ROBO2: variants seen among roughly 807,000 people sequenced by gnomAD.
ROBO2 encodes roundabout homolog 2.
In ROBO2, 53 loss-of-function variants were observed where a neutral mutation model predicts 160.8. That is an observed-to-expected ratio of 0.33 (90% confidence interval 0.26 to 0.41). The LOEUF (loss-of-function observed/expected upper bound fraction) is 0.41, where lower values mean the gene tolerates loss of function less well. Among genes scored for constraint, ROBO2 ranks in the 10% least tolerant of loss-of-function variants. The pLI is 1.00. For synonymous variants in ROBO2, 664 were observed against 611.7 expected (o/e 1.09, Z -1.26); for missense variants, 1,577 against 1,722.4 (o/e 0.92, Z 1.49).
At chr3:76,891,938 G>T (rs1377656264) in intron 2 of ROBO2, among the ~76,000 whole-genome samples, 4 of 152,148 alleles carry the variant, frequency 2.6e-5, no homozygotes, top group African/African-American at 4.8e-5. Flanking sequence ...GGGTCTGGGG[G>T]TCAGGAGAGG....
At chr3:76,719,214 T>C (rs1022511068) in intron 2 of ROBO2, among the ~76,000 whole-genome samples, 2 of 152,320 alleles carry the variant, frequency 1.3e-5, no homozygotes, top group African/African-American at 2.4e-5. Context: ...TAATAGAAAA[T>C]ACTAATTTGC....
intron 2 of ROBO2, among the ~76,000 whole-genome samples, chr3:76,433,095 A>T (rs1248376068): frequency 1.3e-5 from 2 of 152,184 alleles, no homozygotes; most frequent in African/African-American, 2.4e-5. Flanking sequence ...AAATAGCTGC[A>T]ATCTGCTAGT....
At chr3:77,143,136 G>T (rs1457593325) in intron 2 of ROBO2, among the ~76,000 whole-genome samples, 1 of 134,038 alleles carries the variant, frequency 7.5e-6, no homozygotes, top group Non-Finnish European at 1.6e-5. Flanking sequence ...TGACAGCTTT[G>T]CAATTTACCT....
intron 2 of ROBO2, among the ~76,000 whole-genome samples, chr3:76,949,257 G>A (rs2078810642): frequency 6.6e-6 from 1 of 151,926 alleles, no homozygotes; most frequent in South Asian, 2.1e-4. Context: ...TCTCTCATGT[G>A]TTTCTCAATT....
chr3:76,472,340 C>A (rs2078709706), intron 2 of ROBO2, among the ~76,000 whole-genome samples: 1 of 151,886 alleles, frequency 6.6e-6, no homozygotes, highest in African/African-American at 2.4e-5. Flanking sequence ...TGTAATTTCA[C>A]TTATACTAAA....
At chr3:76,711,283 G>A (rs1205052491) in intron 2 of ROBO2, among the ~76,000 whole-genome samples, 12 of 152,144 alleles carry the variant, frequency 7.9e-5, no homozygotes, top group Admixed American at 7.9e-4. Flanking sequence ...CAGAGAGAAA[G>A]AGCGAAGGGG....
In ROBO2 at chr3:77,302,372, T is replaced by C. The variant is rs1350498708; in HGVS notation, c.389-175042T>C. ...TGTCTTGTTTGTGGTGCGCCCTTAA[T>C]GCAAGTTTAGTATTCTTCTGACTGA... On this transcript the variant is annotated intron_variant, in intron 2 of 25. Coordinates refer to ENST00000461745, the Ensembl canonical transcript of ROBO2. Among the ~76,000 whole-genome samples the C allele has an allele frequency of 3.4e-5, 5 of 149,160 alleles. No individual in the cohort carries two copies. The Admixed American group carries it at 3.5e-4, about 10-fold the overall frequency.
intron 1 of ROBO2, chr3:75,906,998 C>T (rs1051908040): frequency 6.6e-6 from 1 of 152,372 alleles, no homozygotes; most frequent in African/African-American, 2.4e-5. Flanking sequence ...GGGTCTCGAA[C>T]CAGAGACGTG....
At chr3:76,127,390 A>T (rs1398042290) in intron 2 of ROBO2, among the ~76,000 whole-genome samples, 2 of 152,068 alleles carry the variant, frequency 1.3e-5, no homozygotes, top group Non-Finnish European at 2.9e-5. Context: ...TTTTTGTTAT[A>T]ATTTGTCACC....
intron 2 of ROBO2, among the ~76,000 whole-genome samples, chr3:76,046,459 C>T (rs1045295605): frequency 4.6e-5 from 7 of 151,896 alleles, no homozygotes; most frequent in Non-Finnish European, 7.4e-5. Context: ...ACCATCCCGG[C>T]TAACGCGGTG....
intron 2 of ROBO2, among the ~76,000 whole-genome samples, chr3:77,010,543 A>T (rs909002468): frequency 2.0e-5 from 3 of 152,086 alleles, no homozygotes; most frequent in African/African-American, 7.2e-5. Context: ...ACGCTCCCAA[A>T]TTATGGGCTC....
intron 2 of ROBO2, among the ~76,000 whole-genome samples, chr3:76,984,394 C>T (rs993895168): frequency 2.0e-5 from 3 of 152,100 alleles, no homozygotes; most frequent in Admixed American, 6.5e-5. Flanking sequence ...ACCTTTTTGG[C>T]ACAGGAAGTT....
chr3:76,945,996 T>C lies in ROBO2; in HGVS notation c.110-152018T>C, dbSNP rs184621850. 1.7e-3 allele frequency among the ~76,000 whole-genome samples: 257 copies of C among 152,338 alleles called. 1 individual carries two copies. The highest frequency in any genetic ancestry group is 5.2e-3 in the African/African-American group (218 of 41,578). On this transcript the variant is annotated intron_variant, in intron 2 of 26. Transcript: ENST00000487694. ...GCATGCCTTTTAATAGTTTATTGAA[T>C]GGCAAATTTTACCTTTTTTAGCTGC...
At chr3:77,523,560 T>C (rs1582687926) in intron 6 of ROBO2, among the ~76,000 whole-genome samples, 1 of 151,494 alleles carries the variant, frequency 6.6e-6, no homozygotes, top group African/African-American at 2.4e-5. Context: ...TGGAATTGCT[T>C]ATAAGTGAAA....
intron 2 of ROBO2, among the ~76,000 whole-genome samples, chr3:76,546,132 A>AT (rs2083084293): frequency 6.6e-6 from 1 of 151,870 alleles, no homozygotes; most frequent in East Asian, 1.9e-4. Context: ...AAGTAGACAT[A>AT]TTTTTCAAGA....
chr3:76,633,455 C>G (rs1046932062), intron 2 of ROBO2, among the ~76,000 whole-genome samples: 1 of 152,010 alleles, frequency 6.6e-6, no homozygotes, highest in Admixed American at 6.6e-5. Flanking sequence ...AGCAAAATGT[C>G]TATTGGAAAG....
chr3:77,293,760 C>G (rs2061628637), intron 2 of ROBO2, among the ~76,000 whole-genome samples: 1 of 139,470 alleles, frequency 7.2e-6, no homozygotes, highest in Non-Finnish European at 1.5e-5. Context: ...TAGATCACCC[C>G]AGACATAAAG....
intron 2 of ROBO2, among the ~76,000 whole-genome samples, chr3:77,367,889 T>C (rs1319194585): frequency 6.6e-6 from 1 of 152,168 alleles, no homozygotes; most frequent in East Asian, 1.9e-4. Flanking sequence ...TATAACATTC[T>C]TTAATGGAAA....
intron 2 of ROBO2, among the ~76,000 whole-genome samples, chr3:77,253,935 G>A (rs761963198): frequency 6.6e-6 from 1 of 152,076 alleles, no homozygotes; most frequent in Non-Finnish European, 1.5e-5. Flanking sequence ...GTATATCTTG[G>A]ACATAATTTT....
Sources: allele counts gnomAD v4.1 joint callset (sites outside exome capture counted in the v4.1 genomes callset), GRCh38; gene constraint gnomAD v4.1.1; transcripts MANE v1.5; gene names NCBI Gene and HGNC (gene_info 2026-07-23, HGNC 2026-07-21).